Variants in CHD2 observed in about 807,000 individuals in gnomAD.
CHD2 encodes the protein chromodomain helicase DNA binding protein 2.
CHD2 carries 28 observed loss-of-function variants against 243.9 expected under a neutral mutation model. The ratio of observed to expected loss-of-function variants is 0.11; its 90% CI spans 0.09 to 0.16. The LOEUF (loss-of-function observed/expected upper bound fraction) is 0.16, where lower values mean the gene tolerates loss of function less well. Among genes scored for constraint, CHD2 ranks in the 10% least tolerant of loss-of-function variants. CHD2 has a pLI of 1.00. For synonymous variants in CHD2, 775 were observed against 779.0 expected, an observed-to-expected ratio of 0.99 and a Z score of 0.09; for missense variants, 1,386 against 2,209.8, an observed-to-expected ratio of 0.63 and a Z score of 7.47.
At chr15:93,017,492 ATTTTTTTTTTTTTTTT>A (rs760713016) in intron 37 of CHD2, among the ~76,000 whole-genome samples, 1 of 96,804 alleles carries the variant, frequency 1.0e-5, no homozygotes, top group Non-Finnish European at 2.0e-5. Flanking sequence ...TGCCGGGCTA[ATTTTTTTTTTTTTTTT>A]TTTTTTTTTT....
chr15:92,956,811 A>G (rs111338780), intron 16 of CHD2, among the ~76,000 whole-genome samples, 162 bp downstream of exon 16: 18 of 152,242 alleles, frequency 1.2e-4, no homozygotes, highest in African/African-American at 3.6e-4. Context: ...TTCATAATCA[A>G]TGAAAGAAGG....
chr15:92,948,116 C>T (rs1201602911), intron 12 of CHD2, among the ~76,000 whole-genome samples: 2 of 152,154 alleles, frequency 1.3e-5, no homozygotes, highest in African/African-American at 4.8e-5. Context: ...AGACTGACCT[C>T]ACTAGAATGC....
chr15:92,937,130 T>C (rs951482301), intron 5 of CHD2, among the ~76,000 whole-genome samples: 1 of 152,168 alleles, frequency 6.6e-6, no homozygotes, highest in Non-Finnish European at 1.5e-5. Flanking sequence ...CCCAAAGTGC[T>C]GAGATTACAG....
At chr15:93,002,361 A>G in intron 33 of CHD2, 44 bp downstream of exon 33, 1 of 1,565,894 alleles carries the variant, frequency 6.4e-7, no homozygotes, top group Non-Finnish European at 8.6e-7. Context: ...CAGCCTTTGC[A>G]ATTCGCCATT....
intron 14 of CHD2, among the ~76,000 whole-genome samples, chr15:92,954,981 A>G (rs1340327854): frequency 3.9e-5 from 6 of 152,218 alleles, no homozygotes. Context: ...TGGGGGACAT[A>G]TCTCTTTGGT....
chr15:93,023,668 G>GT lies in CHD2; in HGVS notation c.5154-694dup, dbSNP rs372258934. Among the ~76,000 whole-genome samples the GT allele has an allele frequency of 5.7e-4, 79 of 138,214 alleles. 1 individual carries two copies. The highest frequency in any genetic ancestry group is 1.0e-3 in the African/African-American group (37 of 36,096). The allele number at this position is 138,214 out of a possible 152,430, so 90.7% of individuals were successfully genotyped here. ...ATCTTTGCCAACACTTATTTCCTGG[G>GT]TTTTTTTTTTGTGTTTTTTTTTAAT... On this transcript the variant is annotated intron_variant, in intron 38 of 38. Transcript: ENST00000394196.
At chr15:93,014,612 C>G in intron 36 of CHD2, 84 bp from the exon 37 acceptor site, 1 of 1,155,866 alleles carries the variant, frequency 8.7e-7, no homozygotes, top group African/African-American at 1.5e-5. Flanking sequence ...CAAGAAGGAG[C>G]TGTTTAGAGG....
At chr15:92,956,295 A>G (rs1324961467) in intron 15 of CHD2, among the ~76,000 whole-genome samples, 164 bp from the exon 16 acceptor site, 1 of 152,196 alleles carries the variant, frequency 6.6e-6, no homozygotes, top group Non-Finnish European at 1.5e-5. Flanking sequence ...CAATCTGGCA[A>G]CTAACAGAAT....
At chr15:92,984,837 C>CT (rs1462459486) in intron 25 of CHD2, among the ~76,000 whole-genome samples, 3 of 152,220 alleles carry the variant, frequency 2.0e-5, no homozygotes, top group Non-Finnish European at 4.4e-5. Context: ...AGTCACACCT[C>CT]TGTTTGTCCA....
chr15:92,933,992 A>T (rs535144077), intron 5 of CHD2, among the ~76,000 whole-genome samples: 1 of 152,172 alleles, frequency 6.6e-6, no homozygotes, highest in African/African-American at 2.4e-5. Context: ...TCTGTTGATC[A>T]TTGGAATTTT....
chr15:92,987,305 A>C (rs1039044349), intron 26 of CHD2, among the ~76,000 whole-genome samples: 1 of 152,172 alleles, frequency 6.6e-6, no homozygotes, highest in African/African-American at 2.4e-5. Context: ...AAATTTTAAA[A>C]AATGGTATTT....
intron 24 of CHD2, among the ~76,000 whole-genome samples, chr15:92,981,811 A>C (rs2053984057): frequency 6.6e-6 from 1 of 152,224 alleles, no homozygotes; most frequent in African/African-American, 2.4e-5. Flanking sequence ...ATAGGAAAAG[A>C]GTAGATGACA....
chr15:92,990,758 G>A (rs748979605), intron 26 of CHD2, among the ~76,000 whole-genome samples: 1 of 151,932 alleles, frequency 6.6e-6, no homozygotes, highest in Non-Finnish European at 1.5e-5. Flanking sequence ...ATAGTAATTT[G>A]GCATATTACA....
intron 19 of CHD2, among the ~76,000 whole-genome samples, chr15:92,973,627 A>G (rs1468663611): frequency 1.3e-5 from 2 of 152,208 alleles, no homozygotes; most frequent in African/African-American, 4.8e-5. Context: ...CTTAGAATAT[A>G]GCTTAAGGCT....
chr15:92,924,928 G>A (rs1384936687), intron 3 of CHD2, among the ~76,000 whole-genome samples: 1 of 152,082 alleles, frequency 6.6e-6, no homozygotes, highest in African/African-American at 2.4e-5. Flanking sequence ...AGTCACCCAA[G>A]TAGTTGAGAT....
chr15:93,017,967 T>C (rs2054485036), intron 37 of CHD2, among the ~76,000 whole-genome samples: 1 of 152,234 alleles, frequency 6.6e-6, no homozygotes, highest in Non-Finnish European at 1.5e-5. Flanking sequence ...ACTAAATACA[T>C]TCTTTTATTT....
chr15:92,998,561 C>T lies in CHD2; in HGVS notation c.3948C>T (p.Tyr1316=). 6.2e-7 allele frequency: 1 copy of T among 1,613,698 alleles called. No homozygotes were observed. The highest frequency in any genetic ancestry group is 8.5e-7 in the Non-Finnish European group (1 of 1,179,992). The part of the protein sequence containing the change: ...QGKQLQTRAD[Y]LLKLLRKGLE... ...AGCAGCTACAGACCCGAGCGGATTA[C>T]TTGTTGAAGCTGCTCAGAAAGGGTC... Residue 1316 remains tyrosine (Y), a synonymous_variant, in exon 31 of 39, where the codon TAC becomes TAT. Transcript: ENST00000394196. This position sits in a 1 kb window ranked among gnomAD's most constrained non-coding sequence, Gnocchi z 5.1.
intron 35 of CHD2, among the ~76,000 whole-genome samples, chr15:93,011,085 T>C (rs2054388440): frequency 6.6e-6 from 1 of 152,140 alleles, no homozygotes; most frequent in Non-Finnish European, 1.5e-5. Context: ...TTTTTTTTTT[T>C]CTTCTTTTTA....
chr15:92,912,194 A>G (rs146077290), intron 2 of CHD2, among the ~76,000 whole-genome samples: 2 of 152,306 alleles, frequency 1.3e-5, no homozygotes, highest in Admixed American at 1.3e-4. Context: ...TTGCATGAGA[A>G]TCACTTGGAG....
Sources: allele counts gnomAD v4.1 joint callset (sites outside exome capture counted in the v4.1 genomes callset), GRCh38; gene constraint gnomAD v4.1.1; non-coding constraint Gnocchi (gnomAD v3.1); transcripts MANE v1.5; gene names NCBI Gene and HGNC (gene_info 2026-07-23, HGNC 2026-07-21).